Variants in ZNF257 observed in about 807,000 individuals in gnomAD.
ZNF257 encodes bone marrow zinc finger 4.
ZNF257 carries 12 observed loss-of-function variants against 11.9 expected under a neutral mutation model. The ratio of observed to expected loss-of-function variants is 1.01; its 90% CI spans 0.65 to 1.63. The LOEUF is 1.63. Among genes scored for constraint, ZNF257 ranks in the 40% most tolerant of loss-of-function variants. ZNF257 has a pLI of 0.00. For synonymous variants in ZNF257, 183 were observed against 222.7 expected, an observed-to-expected ratio of 0.82 and a Z score of 1.59; for missense variants, 580 against 665.5, an observed-to-expected ratio of 0.87 and a Z score of 1.41.
At position 22,089,289 on chromosome 19, in the gene ZNF257, A is replaced by G. The variant is rs769344879; in HGVS notation, c.1539A>G (p.Lys513=). 12 of 1,613,668 alleles carry G rather than the reference A, an allele frequency of 7.4e-6. No homozygotes were observed. The highest frequency in any genetic ancestry group is 9.3e-6 in the Non-Finnish European group (11 of 1,179,886). Residue 513 remains lysine, a synonymous_variant, in exon 4 of 4, where the codon AAA becomes AAG. Transcript: ENST00000594947. The part of the protein sequence containing the change: ...SQHKIIHTGE[K]PYKCEECGKP... ...ATAAGATAATTCATACTGGAGAGAA[A>G]CCCTACAAATGTGAAGAATGTGGCA...
intron 1 of ZNF257, among the ~76,000 whole-genome samples, chr19:22,067,339 A>T (rs1344056491): frequency 6.6e-6 from 1 of 152,122 alleles, no homozygotes; most frequent in African/African-American, 2.4e-5. Context: ...AGACACGTAG[A>T]CATGAGAATC....
rs374866614 is a variant in ZNF257, at chr19:22,081,055, T to C, written c.227-6922T>C. 1.3e-4 allele frequency among the ~76,000 whole-genome samples: 20 copies of C among 151,962 alleles called. No individual in the cohort carries two copies. The East Asian group carries it at 3.1e-3, about 24-fold the overall frequency. On this transcript the variant is annotated intron_variant, in intron 3 of 3. Transcript: ENST00000594947. Reference sequence around the variant, plus strand: ...CACCATGCTCGGCTAATTTTTGTATTTTTAGTAGAGTCGGGGTTTCACCAT... The same window carrying C: ...CACCATGCTCGGCTAATTTTTGTATCTTTAGTAGAGTCGGGGTTTCACCAT...
chr19:22,064,129 A>T (rs1478835387), intron 1 of ZNF257: 4 of 152,230 alleles, frequency 2.6e-5, no homozygotes, highest in Admixed American at 2.6e-4. Flanking sequence ...TAGATGCCTG[A>T]ATCCAATGTC....
chr19:22,081,719 A>G (rs2022364109), intron 3 of ZNF257, among the ~76,000 whole-genome samples: 2 of 152,056 alleles, frequency 1.3e-5, no homozygotes, highest in South Asian at 4.1e-4. Flanking sequence ...TTGTAGAGAC[A>G]CAGTTTTGCC....
intron 1 of ZNF257, among the ~76,000 whole-genome samples, chr19:22,053,675 G>C (rs1412050008): frequency 1.3e-5 from 2 of 151,790 alleles, no homozygotes; most frequent in African/African-American, 4.8e-5. Flanking sequence ...CTTGTAATCC[G>C]AGCACTTTGG....
chr19:22,063,656 G>GT lies in ZNF257; in HGVS notation c.4-9152dup, dbSNP rs58695088. On this transcript the variant is annotated intron_variant, in intron 1 of 3. Coordinates refer to ENST00000594947, the MANE Select transcript of ZNF257 (RefSeq NM_033468.4). Reference sequence around the variant, plus strand: ...CGGGTTGTTTAATTTTCATATAATTGTATGTTTTCAAGTGGTTTTCTTTGT... The same window carrying GT: ...CGGGTTGTTTAATTTTCATATAATTGTTATGTTTTCAAGTGGTTTTCTTTGT... Among the ~76,000 whole-genome samples the GT allele has an allele frequency of 5.4e-3, 826 of 152,146 alleles. 9 individuals carry two copies. The highest frequency in any genetic ancestry group is 0.019 in the African/African-American group (791 of 41,506).
chr19:22,052,719 C>T, intron 1 of ZNF257, 84 bp downstream of exon 1: 1 of 1,541,438 alleles, frequency 6.5e-7, no homozygotes, highest in Non-Finnish European at 8.9e-7. Context: ...GGACTCAGGC[C>T]TCCTTGCAGT....
chr19:22,066,024 G>T (rs2021936067), intron 1 of ZNF257: 1 of 151,988 alleles, frequency 6.6e-6, no homozygotes, highest in African/African-American at 2.4e-5. Context: ...TCTTTTCAGG[G>T]GAATATTTTC....
intron 1 of ZNF257, among the ~76,000 whole-genome samples, chr19:22,062,016 A>G (rs10405459): frequency 0.049 from 7,312 of 150,754 alleles, 618 homozygotes; most frequent in African/African-American, 0.17. Context: ...TAGCTTTTTG[A>G]TATGCTGTTG....
intron 3 of ZNF257, among the ~76,000 whole-genome samples, chr19:22,076,205 C>G (rs979523840): frequency 6.6e-6 from 1 of 151,062 alleles, no homozygotes; most frequent in African/African-American, 2.4e-5. Flanking sequence ...TAAACAATAA[C>G]ATAATTTATT....
At chr19:22,064,742 A>G (rs2021895799) in intron 1 of ZNF257, among the ~76,000 whole-genome samples, 1 of 152,158 alleles carries the variant, frequency 6.6e-6, no homozygotes. Flanking sequence ...TTTGTAGGCA[A>G]CCTGCGTTTA....
intron 1 of ZNF257, among the ~76,000 whole-genome samples, chr19:22,066,771 T>G (rs1477765362): frequency 2.6e-5 from 4 of 152,188 alleles, no homozygotes; most frequent in African/African-American, 9.6e-5. Flanking sequence ...AATTATCAAG[T>G]GAATTTAGAA....
intron 3 of ZNF257, among the ~76,000 whole-genome samples, chr19:22,078,606 T>G (rs2022285315): frequency 6.6e-6 from 1 of 152,260 alleles, no homozygotes; most frequent in Middle Eastern, 3.4e-3. Flanking sequence ...TTTTCTTTGT[T>G]GCTGATGCAT....
In ZNF257 at chr19:22,072,952, TAC is replaced by T. The variant is rs144008872; in HGVS notation, c.130+18_130+19del. ...TCTTCCTGGGTGAGGATAACTTCAG[TAC>T]TCAATTCCTAATATACTCCAAAGGC... On this transcript the variant is annotated intron_variant, in intron 2 of 3. Transcript: ENST00000594947. The T allele has an allele frequency of 4.7e-4, 758 of 1,600,964 alleles. 1 individual carries two copies. In the African/African-American group the frequency reaches 9.4e-3, roughly 20 times the overall value.
At chr19:22,076,687 G>A (rs1203938422) in intron 3 of ZNF257, among the ~76,000 whole-genome samples, 1 of 151,906 alleles carries the variant, frequency 6.6e-6, no homozygotes, top group East Asian at 1.9e-4. Context: ...TTTTTTCAAT[G>A]TAGGTTTCTT....
rs1412907169 is a variant in ZNF257, at chr19:22,089,418, A to T, written c.1668A>T (p.Ser556=). 5.0e-6 allele frequency: 8 copies of T among 1,609,180 alleles called. No homozygotes were observed. Among genetic ancestry groups the T allele is most frequent in the Non-Finnish European group, 6.8e-6 (8 of 1,177,708 alleles). ...EECGKACNHS[S]NLTKHNS ...GTGGCAAAGCTTGTAACCATTCCTC[A>T]AACCTTACTAAACATAATTCATAAT... The change falls in exon 4 of 4, where the codon TCA becomes TCT. Residue 556 remains serine, a synonymous_variant. Transcript: ENST00000594947.
chr19:22,077,969 G>A (rs763355621), intron 3 of ZNF257, among the ~76,000 whole-genome samples: 6 of 151,886 alleles, frequency 4.0e-5, no homozygotes, highest in African/African-American at 7.3e-5. Flanking sequence ...GCCAGGCACG[G>A]TGGCTCATGC....
intron 1 of ZNF257, among the ~76,000 whole-genome samples, chr19:22,064,681 C>G (rs1942952771): frequency 6.6e-6 from 1 of 152,126 alleles, no homozygotes; most frequent in African/African-American, 2.4e-5. Context: ...TTTAGTTGTA[C>G]TTTGGTTTCC....
chr19:22,076,195 T>TA (rs1184312058), intron 3 of ZNF257, among the ~76,000 whole-genome samples: 18 of 151,520 alleles, frequency 1.2e-4, no homozygotes, highest in African/African-American at 4.3e-4. Context: ...AGCCTATATC[T>TA]AAACAATAAC....
Sources: allele counts gnomAD v4.1 joint callset (sites outside exome capture counted in the v4.1 genomes callset), GRCh38; gene constraint gnomAD v4.1.1; transcripts MANE v1.5; gene names NCBI Gene and HGNC (gene_info 2026-07-23, HGNC 2026-07-21).